OPCML: variants seen among roughly 807,000 people sequenced by gnomAD.
OPCML encodes opioid binding protein/cell adhesion molecule like, also known as opioid-binding protein/cell adhesion molecule.
OPCML carries 13 observed loss-of-function variants against 37.8 expected under a neutral mutation model. The ratio of observed to expected loss-of-function variants is 0.34; its 90% CI spans 0.22 to 0.55. The LOEUF (loss-of-function observed/expected upper bound fraction) is 0.55, where lower values mean the gene tolerates loss of function less well. Among genes scored for constraint, OPCML ranks in the 20% least tolerant of loss-of-function variants. The pLI is 0.91. For synonymous variants in OPCML, 176 were observed against 168.8 expected (o/e 1.04, Z -0.33); for missense variants, 341 against 435.6 (o/e 0.78, Z 1.93).
intron 2 of OPCML, among the ~76,000 whole-genome samples, chr11:132,924,428 C>T (rs1944921153): frequency 6.6e-6 from 1 of 152,122 alleles, no homozygotes; most frequent in Non-Finnish European, 1.5e-5. Flanking sequence ...AGGTGTATAC[C>T]ACTGCACCAA....
chr11:133,127,633 A>AC (rs1491416940), intron 1 of OPCML, among the ~76,000 whole-genome samples: 2 of 118,370 alleles, frequency 1.7e-5, no homozygotes, highest in African/African-American at 6.0e-5. Context: ...GCTCTGTCTC[A>AC]AAAAAAAAAA....
At chr11:132,594,380 T>G (rs2096489297) in intron 3 of OPCML, among the ~76,000 whole-genome samples, 2 of 152,138 alleles carry the variant, frequency 1.3e-5, no homozygotes. Flanking sequence ...TCACTAAATT[T>G]CTTAAGATAT....
At chr11:132,551,984 C>T (rs2096382747) in intron 3 of OPCML, among the ~76,000 whole-genome samples, 1 of 152,128 alleles carries the variant, frequency 6.6e-6, no homozygotes, top group East Asian at 1.9e-4. Flanking sequence ...CCCCTCAATT[C>T]CGATTTTGAT....
chr11:132,582,846 G>GTTGTTTTT lies in OPCML; in HGVS notation c.380-53661_380-53660insAAAAACAA, dbSNP rs1555158670. 7.6e-4 allele frequency among the ~76,000 whole-genome samples: 33 copies of GTTGTTTTT among 43,702 alleles called. 1 individual carries two copies. Among genetic ancestry groups the GTTGTTTTT allele is most frequent in the Non-Finnish European group, 1.1e-3 (24 of 21,748 alleles). 28.7% of individuals were successfully genotyped at this position (43,702 alleles called of 152,430 possible). Reference sequence around the variant, plus strand: ...CTTCAGAGTTGTTTTTTTGTTTAAGGTTTTTTTTTTTTTTTTTTTTTGATA... The same window carrying GTTGTTTTT: ...CTTCAGAGTTGTTTTTTTGTTTAAGGTTGTTTTTTTTTTTTTTTTTTTTTTTTTTGATA... On this transcript the variant is annotated intron_variant, in intron 3 of 7. Coordinates refer to ENST00000524381, the MANE Select transcript of OPCML (RefSeq NM_001012393.5).
chr11:132,751,597 T>C (rs571774547), intron 2 of OPCML, among the ~76,000 whole-genome samples: 2 of 152,358 alleles, frequency 1.3e-5, no homozygotes, highest in East Asian at 3.9e-4. Context: ...TCATGTAATC[T>C]TCACTCCAAT....
At position 132,499,140 on chromosome 11, in the gene OPCML, G is replaced by T. The variant is rs964130970; in HGVS notation, c.505+29921C>A. 3.9e-5 allele frequency among the ~76,000 whole-genome samples: 6 copies of T among 152,304 alleles called. No homozygotes were observed. In the East Asian group the frequency reaches 5.8e-4, roughly 15 times the overall value. ...GGAACAAGAACCAAAACTGGACAAG[G>T]CCCCTAGGGACTAATGGTAGATATG... On this transcript the variant is annotated intron_variant, in intron 4 of 7. Coordinates refer to ENST00000524381, the MANE Select transcript of OPCML (RefSeq NM_001012393.5).
At chr11:132,962,100 G>A (rs867021019) in intron 1 of OPCML, among the ~76,000 whole-genome samples, 1 of 152,242 alleles carries the variant, frequency 6.6e-6, no homozygotes, top group African/African-American at 2.4e-5. Flanking sequence ...CAAAGAGGCC[G>A]TGCTCAGTGC....
intron 3 of OPCML, among the ~76,000 whole-genome samples, chr11:132,585,039 A>G (rs1465224409): frequency 1.3e-5 from 2 of 152,214 alleles, no homozygotes; most frequent in Non-Finnish European, 2.9e-5. Context: ...CTACACATCC[A>G]GTTGACTTAT....
intron 2 of OPCML, among the ~76,000 whole-genome samples, chr11:132,793,893 A>T (rs528640761): frequency 4.6e-5 from 7 of 152,184 alleles, no homozygotes; most frequent in Non-Finnish European, 1.0e-4. Flanking sequence ...TGCAGCGTCC[A>T]GGTGGCATGG....
At chr11:133,180,838 C>CAAAAAAAA (rs34333844) in intron 1 of OPCML, among the ~76,000 whole-genome samples, 1 of 93,618 alleles carries the variant, frequency 1.1e-5, no homozygotes, top group African/African-American at 3.8e-5. Flanking sequence ...CTCAGCAAAG[C>CAAAAAAAA]AAAAAAAAAA....
chr11:132,729,408 C>T (rs1017129029), intron 2 of OPCML, among the ~76,000 whole-genome samples: 1 of 151,670 alleles, frequency 6.6e-6, no homozygotes, highest in African/African-American at 2.4e-5. Context: ...CACACACACA[C>T]TCTTCCAAGG....
intron 1 of OPCML, among the ~76,000 whole-genome samples, chr11:133,045,286 G>T (rs1333518195): frequency 1.3e-5 from 2 of 152,190 alleles, no homozygotes; most frequent in African/African-American, 4.8e-5. Flanking sequence ...GAGATGGTTG[G>T]CCCTTCAAGC....
chr11:132,796,425 G>A (rs536220324), intron 2 of OPCML, among the ~76,000 whole-genome samples: 11 of 151,994 alleles, frequency 7.2e-5, no homozygotes, highest in African/African-American at 2.7e-4. Context: ...ATTGATAAGC[G>A]TGATAACTTT....
intron 1 of OPCML, among the ~76,000 whole-genome samples, chr11:133,504,731 A>C (rs1415691715): frequency 6.6e-6 from 1 of 152,224 alleles, no homozygotes; most frequent in African/African-American, 2.4e-5. Flanking sequence ...TGAAATGACG[A>C]AGAGAGGAAC....
At chr11:133,389,616 A>C (rs1945126975) in intron 1 of OPCML, among the ~76,000 whole-genome samples, 1 of 152,172 alleles carries the variant, frequency 6.6e-6, no homozygotes, top group Admixed American at 6.5e-5. Context: ...TTATTACTAT[A>C]CTTTGTATCT....
chr11:132,840,052 AT>A (rs1941222386), intron 2 of OPCML, among the ~76,000 whole-genome samples: 1 of 152,108 alleles, frequency 6.6e-6, no homozygotes, highest in Non-Finnish European at 1.5e-5. Context: ...TACAGTGAAA[AT>A]GGGAGGCAAA....
At chr11:133,389,073 AC>A (rs1354683840) in intron 1 of OPCML, among the ~76,000 whole-genome samples, 1 of 152,194 alleles carries the variant, frequency 6.6e-6, no homozygotes, top group Non-Finnish European at 1.5e-5. Context: ...TTGGCTCTCA[AC>A]CACTTTGTAA....
At chr11:132,855,866 G>A (rs747580343) in intron 2 of OPCML, among the ~76,000 whole-genome samples, 2 of 152,168 alleles carry the variant, frequency 1.3e-5, no homozygotes, top group Non-Finnish European at 2.9e-5. Context: ...CCTCAGCCTC[G>A]ACACCTGTGC....
intron 2 of OPCML, among the ~76,000 whole-genome samples, chr11:132,838,075 T>G (rs1941119856): frequency 6.6e-6 from 1 of 152,222 alleles, no homozygotes; most frequent in Admixed American, 6.5e-5. Context: ...GTATACATGC[T>G]GAGAGGAAGA....
Sources: allele counts gnomAD v4.1 joint callset (sites outside exome capture counted in the v4.1 genomes callset), GRCh38; gene constraint gnomAD v4.1.1; transcripts MANE v1.5; gene names NCBI Gene and HGNC (gene_info 2026-07-23, HGNC 2026-07-21).